PCDHA8: variants seen among roughly 807,000 people sequenced by gnomAD.
The protein encoded by PCDHA8 is protocadherin alpha-8.
PCDHA8 carries 53 observed loss-of-function variants against 61.8 expected under a neutral mutation model. The observed-to-expected ratio is 0.86, with a 90% CI of 0.69 to 1.08. The LOEUF is 1.08. Ranked by LOEUF, PCDHA8 falls within the 50% of genes least tolerant of loss-of-function variation. The pLI is 0.00. For synonymous variants in PCDHA8, 618 were observed against 556.6 expected, an observed-to-expected ratio of 1.11 and a Z score of -1.55; for missense variants, 1,293 against 1,245.0, an observed-to-expected ratio of 1.04 and a Z score of -0.58.
At chr5:140,976,316 C>T (rs1336395893) in intron 1 of PCDHA8, among the ~76,000 whole-genome samples, 17 of 152,002 alleles carry the variant, frequency 1.1e-4, no homozygotes, top group Admixed American at 1.0e-3. Context: ...TTTGGGAGGC[C>T]GAGGAGGGTG....
intron 1 of PCDHA8, chr5:140,850,083 C>G: frequency 6.3e-7 from 1 of 1,596,622 alleles, no homozygotes; most frequent in Non-Finnish European, 8.6e-7. Context: ...GGAGCTGGAG[C>G]TGCTACAGTT....
At chr5:140,976,724 T>C (rs372662527) in intron 1 of PCDHA8, among the ~76,000 whole-genome samples, 6 of 152,202 alleles carry the variant, frequency 3.9e-5, no homozygotes, top group African/African-American at 1.4e-4. Flanking sequence ...AGTTCATTTA[T>C]TTAAACACAT....
intron 1 of PCDHA8, chr5:140,862,942 G>C (rs75462656): frequency 5.5e-6 from 3 of 542,062 alleles, no homozygotes; most frequent in Admixed American, 3.9e-5. Flanking sequence ...CTGTGAGTGA[G>C]CTGGTGCGGT....
rs781974273 is a variant in PCDHA8, at chr5:140,871,561, T to TC, written c.2394+27847dup. 4.7e-6 allele frequency: 7 copies of TC among 1,485,828 alleles called. No homozygotes were observed. In the African/African-American group the frequency reaches 9.9e-5, roughly 21 times the overall value. 92.0% of individuals were successfully genotyped at this position (1,485,828 alleles called of 1,614,324 possible). ...AAATTATTTAAAATCCAGTTTTTTT[T>TC]CACGGATTTTTTAAGGGAAAGTTTT... is the stretch of plus-strand genomic sequence containing the variant. On this transcript the variant is annotated intron_variant, in intron 1 of 3. Coordinates refer to ENST00000531613, the MANE Select transcript of PCDHA8 (RefSeq NM_018911.3).
intron 2 of PCDHA8, among the ~76,000 whole-genome samples, chr5:140,981,776 A>T (rs908868836): frequency 2.4e-4 from 36 of 151,980 alleles, no homozygotes; most frequent in African/African-American, 8.0e-4. Context: ...TGAATACTGC[A>T]CCATGTTCTC....
chr5:140,946,163 T>C (rs1345991689), intron 1 of PCDHA8, among the ~76,000 whole-genome samples: 1 of 151,884 alleles, frequency 6.6e-6, no homozygotes, highest in African/African-American at 2.4e-5. Flanking sequence ...ATTTAAAAGA[T>C]GGGTAAAGGA....
intron 1 of PCDHA8, chr5:140,868,546 A>T (rs1356639258): frequency 1.3e-5 from 2 of 152,640 alleles, no homozygotes; most frequent in African/African-American, 2.4e-5. Context: ...TTCAAATTTG[A>T]TAGTATTTTT....
intron 1 of PCDHA8, among the ~76,000 whole-genome samples, chr5:140,919,658 T>C (rs1271844986): frequency 2.0e-5 from 3 of 152,230 alleles, no homozygotes; most frequent in Non-Finnish European, 2.9e-5. Context: ...GTTTACCATA[T>C]ATATTTTAGC....
chr5:140,906,175 G>T (rs1177661963), intron 1 of PCDHA8, among the ~76,000 whole-genome samples: 18 of 152,058 alleles, frequency 1.2e-4, no homozygotes, highest in African/African-American at 4.1e-4. Flanking sequence ...ACAATACTTT[G>T]CATCCTTCAA....
rs2150189286 is a variant in PCDHA8, at chr5:140,843,071, T to C, written c.1750T>C (p.Ser584Pro). 4 of 1,595,230 alleles carry C rather than the reference T, an allele frequency of 2.5e-6. No individual in the cohort carries two copies. The highest frequency in any genetic ancestry group is 2.2e-5 in the East Asian group (1 of 44,812). ...GGAASKLVPR[S>P]VGAGHVVAKV... Reference sequence around the variant, plus strand: ...CGCAGCGAGCAAGCTGGTGCCGCGGTCTGTGGGCGCGGGCCACGTGGTAGC... The same window carrying C: ...CGCAGCGAGCAAGCTGGTGCCGCGGCCTGTGGGCGCGGGCCACGTGGTAGC... The change falls in exon 1 of 4, where the codon TCT (serine) becomes CCT (proline). Residue 584 changes from serine (S) to proline (P), a missense_variant. Transcript: ENST00000531613.
rs782671966 is a variant in PCDHA8 at position 140,857,602 on chromosome 5, G to T, written c.2394+13887G>T. ...ACGCGGAGAGCGGCAAGGTGTACGCGCTGCAGCCGCTGGACCACGAGGAGC... is the reference window on the plus strand; with the variant it reads ...ACGCGGAGAGCGGCAAGGTGTACGCTCTGCAGCCGCTGGACCACGAGGAGC... On this transcript the variant is annotated intron_variant, in intron 1 of 3. Coordinates refer to ENST00000531613, the MANE Select transcript of PCDHA8 (RefSeq NM_018911.3). 17 of 1,596,266 alleles carry T rather than the reference G, an allele frequency of 1.1e-5. 1 individual carries two copies. Among genetic ancestry groups the T allele is most frequent in the Non-Finnish European group, 1.5e-5 (17 of 1,167,710 alleles).
chr5:140,947,100 T>C (rs782585215), intron 1 of PCDHA8, among the ~76,000 whole-genome samples: 16 of 151,438 alleles, frequency 1.1e-4, no homozygotes, highest in Non-Finnish European at 2.1e-4. Context: ...AGCCCATAAA[T>C]AGGTACGTGT....
chr5:140,978,907 G>T (rs782602741), intron 1 of PCDHA8, 42 bp from the exon 2 acceptor site: 3 of 1,613,648 alleles, frequency 1.9e-6, no homozygotes, highest in East Asian at 2.2e-5. Flanking sequence ...GGAGAACATT[G>T]TCTTGTCATT....
intron 1 of PCDHA8, chr5:140,882,202 T>A: frequency 2.0e-6 from 3 of 1,529,778 alleles, no homozygotes; most frequent in Non-Finnish European, 2.6e-6. Context: ...AAATTGGGCC[T>A]TGAGAGACAG....
At chr5:140,899,545 G>A (rs2067400002) in intron 1 of PCDHA8, among the ~76,000 whole-genome samples, 1 of 152,158 alleles carries the variant, frequency 6.6e-6, no homozygotes, top group African/African-American at 2.4e-5. Context: ...TGATCATGGT[G>A]GATAAGCTTT....
chr5:140,984,492 T>C (rs2097106044), intron 3 of PCDHA8, among the ~76,000 whole-genome samples: 1 of 152,224 alleles, frequency 6.6e-6, no homozygotes, highest in Non-Finnish European at 1.5e-5. Context: ...TATCCAGAAC[T>C]GTGCCTGGCT....
chr5:140,999,987 G>T (rs1033618024), intron 3 of PCDHA8, among the ~76,000 whole-genome samples: 6 of 152,042 alleles, frequency 3.9e-5, no homozygotes, highest in Non-Finnish European at 7.4e-5. Context: ...CGGCCTCTGG[G>T]TAGTGGTATT....
At chr5:140,964,954 G>A (rs140288048) in intron 1 of PCDHA8, among the ~76,000 whole-genome samples, 6 of 152,316 alleles carry the variant, frequency 3.9e-5, no homozygotes, top group Non-Finnish European at 7.4e-5. Flanking sequence ...AGTGTGCTTG[G>A]TTGGTGGAAC....
chr5:140,946,221 A>G (rs1287007358), intron 1 of PCDHA8, among the ~76,000 whole-genome samples: 2 of 152,214 alleles, frequency 1.3e-5, no homozygotes, highest in Admixed American at 6.5e-5. Context: ...ACCAACAGGT[A>G]TACTAAAAAA....
Sources: allele counts gnomAD v4.1 joint callset (sites outside exome capture counted in the v4.1 genomes callset), GRCh38; gene constraint gnomAD v4.1.1; transcripts MANE v1.5; gene names NCBI Gene and HGNC (gene_info 2026-07-23, HGNC 2026-07-21).